The following PARD3 variants were observed in gnomAD, a reference collection of about 807,000 sequenced individuals.
PARD3 encodes the protein par-3 family cell polarity regulator.
PARD3 carries 75 observed loss-of-function variants against 155.4 expected under a neutral mutation model. The observed-to-expected ratio is 0.48, with a 90% CI of 0.40 to 0.58. The LOEUF is 0.58. Among genes scored for constraint, PARD3 ranks in the 20% least tolerant of loss-of-function variants. The probability of loss-of-function intolerance (pLI) is 0.00; values close to 1 mark genes in which losing one functional copy is unlikely to be tolerated. For missense variants in PARD3, 1,642 were observed against 1,721.7 expected, an observed-to-expected ratio of 0.95 and a Z score of 0.82; for synonymous variants, 576 against 610.5, an observed-to-expected ratio of 0.94 and a Z score of 0.83.
In PARD3 at chr10:34,762,464, C is replaced by T. The variant is rs576317151; in HGVS notation, c.120+52412G>A. ...GGGAACACAGACACATGCCACCATG[C>T]CTGACTTTTTTTTTTTTTTTTTTTT... On this transcript the variant is annotated intron_variant, in intron 1 of 24. Coordinates refer to ENST00000374788, the MANE Select transcript of PARD3 (RefSeq NM_001184785.2). Among the ~76,000 whole-genome samples, 5 of 134,980 alleles carry T rather than the reference C, an allele frequency of 3.7e-5. No individual in the cohort carries two copies. In the South Asian group the frequency reaches 7.9e-4, roughly 21 times the overall value. The allele number at this position is 134,980 out of a possible 152,430, so 88.6% of individuals were successfully genotyped here.
chr10:34,317,289 G>C lies in PARD3; in HGVS notation c.2883C>G (p.Ser961=). The C allele has an allele frequency of 6.2e-7, 1 of 1,613,090 alleles. No homozygotes were observed. Among genetic ancestry groups the C allele is most frequent in the East Asian group, 2.2e-5 (1 of 44,846 alleles). ...AGTGGGAAGGCTGATCACTGGCTGTGGATACAGACTCTCTCCCTGATCTTG... is the reference window on the plus strand; with the variant it reads ...AGTGGGAAGGCTGATCACTGGCTGTCGATACAGACTCTCTCCCTGATCTTG... ...ESSRSGRESV[S]TASDQPSHSL... The change falls in exon 20 of 25, where the codon TCC becomes TCG. Residue 961 remains serine (S), a synonymous_variant. Transcript: ENST00000374788.
chr10:34,644,843 A>T (rs2092787926), intron 2 of PARD3, among the ~76,000 whole-genome samples: 1 of 152,166 alleles, frequency 6.6e-6, no homozygotes, highest in South Asian at 2.1e-4. Flanking sequence ...GAATAGAGGT[A>T]AAACTACATG....
chr10:34,149,411 A>G (rs2132945728), intron 22 of PARD3, among the ~76,000 whole-genome samples: 1 of 152,258 alleles, frequency 6.6e-6, no homozygotes, highest in South Asian at 2.1e-4. Flanking sequence ...CTATTAACTT[A>G]AATCCCAGGA....
intron 5 of PARD3, among the ~76,000 whole-genome samples, chr10:34,448,830 T>A (rs541618205): frequency 1.2e-4 from 18 of 151,388 alleles, no homozygotes; most frequent in African/African-American, 3.9e-4. Context: ...AATTAAATTT[T>A]AAAAAATTTG....
chr10:34,152,789 A>G (rs913044556), intron 22 of PARD3, among the ~76,000 whole-genome samples: 2 of 152,182 alleles, frequency 1.3e-5, no homozygotes, highest in Non-Finnish European at 1.5e-5. Context: ...CTGGCCGTAC[A>G]TAGCACTGAA....
At chr10:34,608,153 A>G (rs1391434051) in intron 2 of PARD3, among the ~76,000 whole-genome samples, 1 of 152,146 alleles carries the variant, frequency 6.6e-6, no homozygotes, top group African/African-American at 2.4e-5. Context: ...GTCCCAGCAC[A>G]GGATGCTGCA....
intron 1 of PARD3, among the ~76,000 whole-genome samples, chr10:34,791,287 C>A (rs917132280): frequency 3.3e-5 from 5 of 152,190 alleles, no homozygotes; most frequent in Non-Finnish European, 7.3e-5. Context: ...GTAGAAGCCA[C>A]TGGCCTGAGT....
chr10:34,489,638 C>T (rs2079750554), intron 3 of PARD3, among the ~76,000 whole-genome samples: 1 of 152,180 alleles, frequency 6.6e-6, no homozygotes, highest in African/African-American at 2.4e-5. Context: ...GTTTATATTA[C>T]CTTCAAAGTG....
At position 34,384,155 on chromosome 10, in the gene PARD3, G is replaced by A. The variant is rs151122883; in HGVS notation, c.990C>T (p.Gly330=). 370 of 1,613,422 alleles carry A rather than the reference G, an allele frequency of 2.3e-4. 3 individuals are homozygous for A. The highest frequency in any genetic ancestry group is 9.4e-4 in the South Asian group (86 of 91,040). The change falls in exon 8 of 25, where the codon GGC becomes GGT. Residue 330 remains glycine (G), a synonymous_variant. Coordinates refer to ENST00000374788, the MANE Select transcript of PARD3 (RefSeq NM_001184785.2). ...GTTCAAATCTTCTATTTCGAAGGTC[G>A]CCATCATTAATCCTGACAATGCAAT... ...ENDCIVRIND[G]DLRNRRFEQA... is the part of the protein sequence containing the mutation.
intron 22 of PARD3, among the ~76,000 whole-genome samples, chr10:34,191,072 T>C (rs1314644640): frequency 1.3e-5 from 2 of 151,948 alleles, no homozygotes; most frequent in East Asian, 3.9e-4. Context: ...ATTTGTGTTT[T>C]AAGAAAAAGC....
At chr10:34,612,188 T>C (rs1446404526) in intron 2 of PARD3, among the ~76,000 whole-genome samples, 1 of 152,158 alleles carries the variant, frequency 6.6e-6, no homozygotes, top group African/African-American at 2.4e-5. Context: ...GTATATAACC[T>C]ATACAGAAAC....
intron 3 of PARD3, among the ~76,000 whole-genome samples, chr10:34,473,747 C>T (rs2078516095): frequency 6.6e-6 from 1 of 152,152 alleles, no homozygotes; most frequent in African/African-American, 2.4e-5. Context: ...CTACTGTTTC[C>T]GTGGTAATAA....
At chr10:34,619,780 C>T (rs543558189) in intron 2 of PARD3, among the ~76,000 whole-genome samples, 1 of 152,270 alleles carries the variant, frequency 6.6e-6, no homozygotes, top group East Asian at 1.9e-4. Flanking sequence ...TTCTACTGCT[C>T]ACCCTTTACC....
chr10:34,449,207 G>T (rs1589616923), intron 5 of PARD3, among the ~76,000 whole-genome samples: 1 of 151,798 alleles, frequency 6.6e-6, no homozygotes, highest in Non-Finnish European at 1.5e-5. Context: ...GTGGGCCACC[G>T]CACCCGGCAG....
intron 5 of PARD3, among the ~76,000 whole-genome samples, chr10:34,409,687 G>C (rs1844855379): frequency 6.6e-6 from 1 of 152,156 alleles, no homozygotes; most frequent in Non-Finnish European, 1.5e-5. Context: ...CCCTCTAGTT[G>C]ACACGATTTT....
At position 34,224,745 on chromosome 10, in the gene PARD3, T is replaced by A. The variant is rs527467670; in HGVS notation, c.3419+44912A>T. Among the ~76,000 whole-genome samples the A allele has an allele frequency of 3.3e-5, 5 of 152,334 alleles. No homozygotes were observed. In the East Asian group the frequency reaches 9.6e-4, roughly 29 times the overall value. On this transcript the variant is annotated intron_variant, in intron 22 of 24. Coordinates refer to ENST00000374788, the MANE Select transcript of PARD3 (RefSeq NM_001184785.2). The stretch of plus-strand genomic sequence containing the variant: ...GAGTAAATAGCAGAGGTGGAACTGG[T>A]CGCGTGTCTGCTGTCATCTGAGGGT...
At chr10:34,281,072 A>G (rs865992515) in intron 21 of PARD3, among the ~76,000 whole-genome samples, 1 of 152,104 alleles carries the variant, frequency 6.6e-6, no homozygotes, top group East Asian at 1.9e-4. Flanking sequence ...CCAACGTGTG[A>G]TGCTTGGTCG....
At chr10:34,335,189 C>T (rs80080026) in intron 18 of PARD3, among the ~76,000 whole-genome samples, 58 of 151,956 alleles carry the variant, frequency 3.8e-4, no homozygotes, top group African/African-American at 1.3e-3. Context: ...GGTTAACTGC[C>T]GTGCAATACA....
chr10:34,600,336 C>T (rs572662975), intron 2 of PARD3, among the ~76,000 whole-genome samples: 3 of 151,510 alleles, frequency 2.0e-5, no homozygotes, highest in Non-Finnish European at 4.4e-5. Flanking sequence ...CAGAGCGAGA[C>T]CCCGGTCTCA....
Sources: gnomAD v4.1 joint callset for allele counts (sites outside exome capture counted in the v4.1 genomes callset) on GRCh38, gnomAD v4.1.1 for gene constraint, MANE v1.5 for transcripts, NCBI Gene and HGNC (gene_info 2026-07-23, HGNC 2026-07-21) for gene names.